MCPH1: variants seen among roughly 807,000 people sequenced by gnomAD.
MCPH1 encodes the protein microcephalin.
Under a neutral mutation model 84.5 loss-of-function variants are expected in MCPH1, and 104 were observed. The ratio of observed to expected loss-of-function variants is 1.23; its 90% confidence interval spans 1.05 to 1.45. The LOEUF (loss-of-function observed/expected upper bound fraction) is 1.45, where lower values mean the gene tolerates loss of function less well. MCPH1 is among the 40% of genes most tolerant of loss of function. The pLI, the probability that MCPH1 is intolerant of heterozygous loss-of-function variation, is 0.00. For missense variants in MCPH1, 1,498 were observed against 1,005.7 expected (o/e 1.49, Z -6.62); for synonymous variants, 514 against 366.8 (o/e 1.40, Z -4.58).
At position 6,532,045 on chromosome 8, in the gene MCPH1, G is replaced by C. The variant is rs377578899; in HGVS notation, c.2214+32116G>C. Among the ~76,000 whole-genome samples the C allele has an allele frequency of 9.2e-5, 14 of 152,278 alleles. No individual in the cohort carries two copies. In the South Asian group the frequency reaches 2.3e-3, roughly 25 times the overall value. ...TCCAGAAAGCACCAGGGAGACAGAGGGGGTATTCATCTTGCAGTGGTTGGG... is the reference window on the plus strand; with the variant it reads ...TCCAGAAAGCACCAGGGAGACAGAGCGGGTATTCATCTTGCAGTGGTTGGG... On this transcript the variant is annotated intron_variant, in intron 12 of 13. Transcript: ENST00000344683.
chr8:6,471,086 G>A (rs2442495), intron 9 of MCPH1, among the ~76,000 whole-genome samples: 1 of 151,900 alleles, frequency 6.6e-6, no homozygotes, highest in Non-Finnish European at 1.5e-5. Flanking sequence ...TGCCTTTTTT[G>A]GGGGGTGACC....
chr8:6,618,392 A>T (rs1481132157), intron 12 of MCPH1: 1 of 152,258 alleles, frequency 6.6e-6, no homozygotes, highest in Admixed American at 6.5e-5. Flanking sequence ...CAGCACAAAG[A>T]AACTAGCTAC....
At chr8:6,466,008 G>A (rs1210921057) in intron 9 of MCPH1, among the ~76,000 whole-genome samples, 1 of 151,948 alleles carries the variant, frequency 6.6e-6, no homozygotes, top group Middle Eastern at 3.2e-3. Flanking sequence ...AGGCTGGAGT[G>A]CAGTGGCGCT....
intron 12 of MCPH1, among the ~76,000 whole-genome samples, chr8:6,518,704 G>T (rs939316251): frequency 6.6e-6 from 1 of 152,022 alleles, no homozygotes; most frequent in South Asian, 2.1e-4. Context: ...TTCCACTTTG[G>T]TACAGTATCC....
At chr8:6,590,822 C>A (rs554316323) in intron 12 of MCPH1, among the ~76,000 whole-genome samples, 1 of 152,330 alleles carries the variant, frequency 6.6e-6, no homozygotes, top group South Asian at 2.1e-4. Flanking sequence ...TCCTCACAGG[C>A]CAGTGGAGAC....
At chr8:6,440,919 G>C (rs1317198436) in intron 6 of MCPH1, among the ~76,000 whole-genome samples, 1 of 152,186 alleles carries the variant, frequency 6.6e-6, no homozygotes, top group Admixed American at 6.5e-5. Context: ...GCCAGGGCTG[G>C]GATGCCATTC....
chr8:6,592,787 A>C (rs1169910685), intron 12 of MCPH1, among the ~76,000 whole-genome samples: 1 of 148,636 alleles, frequency 6.7e-6, no homozygotes, highest in African/African-American at 2.5e-5. Context: ...CCTGGGTAGC[A>C]GGGACCACAA....
intron 8 of MCPH1, among the ~76,000 whole-genome samples, chr8:6,449,596 G>A (rs1804839914): frequency 6.6e-6 from 1 of 151,474 alleles, no homozygotes; most frequent in African/African-American, 2.4e-5. Flanking sequence ...TCATGCCACT[G>A]CACTCCATCC....
chr8:6,406,967 T>G (rs2129550356), intron 1 of MCPH1: 6 of 430,296 alleles, frequency 1.4e-5, no homozygotes, highest in Non-Finnish European at 2.1e-5. Context: ...GACTGCCTGC[T>G]TCCTCCCCCG....
chr8:6,415,919 T>C (rs943791283), intron 3 of MCPH1, among the ~76,000 whole-genome samples: 6 of 152,314 alleles, frequency 3.9e-5, no homozygotes, highest in Middle Eastern at 3.4e-3. Context: ...TAATATTTAA[T>C]CTTTCAGTCC....
intron 12 of MCPH1, among the ~76,000 whole-genome samples, chr8:6,556,098 C>T (rs987660225): frequency 2.6e-5 from 4 of 152,084 alleles, no homozygotes; most frequent in Non-Finnish European, 5.9e-5. Flanking sequence ...GAATTGCTGC[C>T]AAGACTAACC....
chr8:6,600,239 G>C (rs1003458862), intron 12 of MCPH1, among the ~76,000 whole-genome samples: 5 of 152,244 alleles, frequency 3.3e-5, no homozygotes, highest in Non-Finnish European at 1.5e-5. Flanking sequence ...AGACTCACTA[G>C]TGTGCTACTT....
intron 13 of MCPH1, among the ~76,000 whole-genome samples, chr8:6,632,204 G>A (rs1019858929): frequency 6.6e-6 from 1 of 152,208 alleles, no homozygotes; most frequent in Admixed American, 6.5e-5. Flanking sequence ...GAGAATTATT[G>A]TTTAATGGCT....
chr8:6,621,154 C>T (rs1262596801), intron 12 of MCPH1: 11 of 432,668 alleles, frequency 2.5e-5, no homozygotes, highest in Non-Finnish European at 4.7e-5. Flanking sequence ...CTCTGCTGTG[C>T]TAACAGTTGC....
At chr8:6,425,252 T>C (rs1800887459) in intron 3 of MCPH1, among the ~76,000 whole-genome samples, 1 of 152,248 alleles carries the variant, frequency 6.6e-6, no homozygotes, top group African/African-American at 2.4e-5. Context: ...GTTGGTTCTC[T>C]GTTTAGAGAC....
chr8:6,468,469 C>G (rs900351728), intron 9 of MCPH1, among the ~76,000 whole-genome samples: 1 of 152,156 alleles, frequency 6.6e-6, no homozygotes, highest in Non-Finnish European at 1.5e-5. Context: ...AACATTGGGG[C>G]TCCCCAGCGA....
chr8:6,432,055 C>T (rs1257025318), intron 4 of MCPH1, among the ~76,000 whole-genome samples: 1 of 152,212 alleles, frequency 6.6e-6, no homozygotes, highest in Non-Finnish European at 1.5e-5. Flanking sequence ...CCACAGATAA[C>T]AAAATCCACT....
intron 12 of MCPH1, 131 bp from the exon 13 acceptor site, chr8:6,621,323 C>A (rs1831388234): frequency 6.8e-6 from 8 of 1,175,234 alleles, no homozygotes; most frequent in Non-Finnish European, 9.9e-6. Context: ...ATTCAAAATT[C>A]ACAGGAGCAT....
intron 9 of MCPH1, among the ~76,000 whole-genome samples, chr8:6,464,675 G>T (rs962959436): frequency 6.6e-6 from 1 of 152,194 alleles, no homozygotes; most frequent in African/African-American, 2.4e-5. Flanking sequence ...GGCGCTAAGA[G>T]AGGAGCTAGC....
Sources: gnomAD v4.1 joint callset for allele counts (sites outside exome capture counted in the v4.1 genomes callset) on GRCh38, gnomAD v4.1.1 for gene constraint, MANE v1.5 for transcripts, NCBI Gene and HGNC (gene_info 2026-07-23, HGNC 2026-07-21) for gene names.